CTNNA3: variants seen among roughly 807,000 people sequenced by gnomAD.
CTNNA3 encodes catenin alpha-3.
A neutral mutation model predicts 95.7 loss-of-function variants in CTNNA3; 76 were observed. The observed-to-expected ratio is 0.79, with a 90% confidence interval of 0.66 to 0.96. The LOEUF (loss-of-function observed/expected upper bound fraction) is 0.96. CTNNA3 is among the 40% of genes least tolerant of loss of function. The pLI, the probability that CTNNA3 is intolerant of heterozygous loss-of-function variation, is 0.00. For synonymous variants in CTNNA3, 431 were observed against 374.4 expected (o/e 1.15, Z -1.74); for missense variants, 1,191 against 1,089.8 (o/e 1.09, Z -1.31).
intron 15 of CTNNA3, among the ~76,000 whole-genome samples, chr10:66,048,769 C>T (rs1340150930): frequency 6.6e-6 from 1 of 151,866 alleles, no homozygotes; most frequent in Admixed American, 6.6e-5. Context: ...TCAAAAAAAA[C>T]AGAAAACAAA....
At chr10:67,109,405 A>G (rs1858805153) in intron 7 of CTNNA3, among the ~76,000 whole-genome samples, 1 of 152,070 alleles carries the variant, frequency 6.6e-6, no homozygotes, top group Admixed American at 6.5e-5. Flanking sequence ...GAATACCATT[A>G]CTCTCAAAAG....
At chr10:66,734,618 C>T (rs1029286107) in intron 9 of CTNNA3, among the ~76,000 whole-genome samples, 3 of 152,104 alleles carry the variant, frequency 2.0e-5, no homozygotes, top group African/African-American at 7.2e-5. Flanking sequence ...AATCCCAGTG[C>T]TCTGGGAGGC....
At chr10:66,031,318 A>C (rs1472961111) in intron 15 of CTNNA3, among the ~76,000 whole-genome samples, 1 of 152,202 alleles carries the variant, frequency 6.6e-6, no homozygotes, top group East Asian at 1.9e-4. Context: ...GCCAATAAAC[A>C]ATGGATTGGA....
intron 5 of CTNNA3, among the ~76,000 whole-genome samples, chr10:67,387,441 G>A (rs1339624754): frequency 6.6e-6 from 1 of 152,150 alleles, no homozygotes; most frequent in South Asian, 2.1e-4. Flanking sequence ...TGCTAGCACG[G>A]CAGTCTGAGA....
At chr10:67,165,552 A>C (rs1861731026) in intron 7 of CTNNA3, among the ~76,000 whole-genome samples, 1 of 152,226 alleles carries the variant, frequency 6.6e-6, no homozygotes, top group Admixed American at 6.5e-5. Context: ...ATATAGTTAC[A>C]CATGATGCAA....
rs117097231 is a variant in CTNNA3, at chr10:66,078,755, A to G, written c.1978-9266T>C. Among the ~76,000 whole-genome samples, 583 of 152,060 alleles carry G rather than the reference A, an allele frequency of 3.8e-3. 2 individuals are homozygous for G. The highest frequency in any genetic ancestry group is 0.025 in the South Asian group (120 of 4,828). On this transcript the variant is annotated intron_variant, in intron 14 of 17. Transcript: ENST00000433211. ...GTTCCTCGTTCCAGAATGCTGATAT[A>G]CTTTTTGTCTTTTGATGCTGCCAAA...
chr10:66,259,602 C>T (rs1280932508), intron 13 of CTNNA3, among the ~76,000 whole-genome samples: 1 of 152,128 alleles, frequency 6.6e-6, no homozygotes, highest in Non-Finnish European at 1.5e-5. Context: ...GATTCCCACA[C>T]CTCAGTCTAC....
chr10:66,224,704 G>A (rs1754407111), intron 13 of CTNNA3, among the ~76,000 whole-genome samples: 1 of 152,140 alleles, frequency 6.6e-6, no homozygotes, highest in African/African-American at 2.4e-5. Context: ...CCAAAAGGAA[G>A]GATGTGGCTT....
chr10:66,501,462 T>C (rs1020551702), intron 11 of CTNNA3, among the ~76,000 whole-genome samples: 3 of 152,128 alleles, frequency 2.0e-5, no homozygotes, highest in Non-Finnish European at 4.4e-5. Context: ...AGACTATAGA[T>C]CTCTTGTGAA....
rs537639807 is a variant in CTNNA3, at chr10:67,718,719, G to A, written c.-2+44715C>T. Among the ~76,000 whole-genome samples, 3 of 152,252 alleles carry A rather than the reference G, an allele frequency of 2.0e-5. No individual in the cohort carries two copies. The South Asian group carries it at 6.2e-4, about 32-fold the overall frequency. On this transcript the variant is annotated intron_variant, in intron 1 of 17. Transcript: ENST00000684154. ...CTGGATTTGGTTTGCATTTTATTGA[G>A]GGTTTTCGCATCGATGTTCATCAGG...
intron 5 of CTNNA3, among the ~76,000 whole-genome samples, chr10:67,509,750 C>A (rs921789208): frequency 6.6e-6 from 1 of 152,088 alleles, no homozygotes; most frequent in African/African-American, 2.4e-5. Flanking sequence ...GCTTCCAGAC[C>A]CTTGAGGAAT....
At chr10:66,043,488 T>C (rs573445776) in intron 15 of CTNNA3, among the ~76,000 whole-genome samples, 108 of 152,288 alleles carry the variant, frequency 7.1e-4, no homozygotes, top group African/African-American at 2.5e-3. Context: ...ATCTGTCTTT[T>C]GCTATAACAA....
At chr10:66,431,580 G>T (rs35303304) in intron 11 of CTNNA3, among the ~76,000 whole-genome samples, 39,925 of 151,496 alleles carry the variant, frequency 0.26, 5,365 homozygotes, top group South Asian at 0.39. Flanking sequence ...AAAATGATGA[G>T]TTCATGTCCT....
intron 9 of CTNNA3, among the ~76,000 whole-genome samples, chr10:66,630,075 C>T (rs948697793): frequency 6.6e-6 from 1 of 152,080 alleles, no homozygotes; most frequent in South Asian, 2.1e-4. Flanking sequence ...CAGGGACCAC[C>T]CCTGTATTTG....
chr10:67,262,778 A>C lies in CTNNA3; in HGVS notation c.580-42908T>G, dbSNP rs1866671403. On this transcript the variant is annotated intron_variant, in intron 5 of 17. Transcript: ENST00000433211. Reference sequence around the variant, plus strand: ...TGATTTAAAACTTGTCAGGAAAAAAATTATTTCACAAAAGCAAAGAAATAA... The same window carrying C: ...TGATTTAAAACTTGTCAGGAAAAAACTTATTTCACAAAAGCAAAGAAATAA... 2.0e-5 allele frequency among the ~76,000 whole-genome samples: 3 copies of C among 152,192 alleles called. No individual in the cohort carries two copies. The South Asian group carries it at 6.2e-4, about 31-fold the overall frequency.
chr10:65,991,305 C>T (rs2078540765), intron 15 of CTNNA3, among the ~76,000 whole-genome samples: 1 of 151,952 alleles, frequency 6.6e-6, no homozygotes, highest in Non-Finnish European at 1.5e-5. Context: ...TGAAGAATGT[C>T]ACTGATATTT....
At chr10:66,201,524 C>G (rs1404518803) in intron 13 of CTNNA3, among the ~76,000 whole-genome samples, 1 of 152,140 alleles carries the variant, frequency 6.6e-6, no homozygotes, top group East Asian at 1.9e-4. Context: ...CTCCAACAGC[C>G]AAAATCCCAC....
At chr10:67,616,637 A>C (rs1843666212) in intron 2 of CTNNA3, among the ~76,000 whole-genome samples, 1 of 152,224 alleles carries the variant, frequency 6.6e-6, no homozygotes, top group Admixed American at 6.5e-5. Flanking sequence ...AATGGAGGTA[A>C]TATTTACTAG....
In CTNNA3 at chr10:67,578,985, C is replaced by T. The variant is rs993825321; in HGVS notation, c.292+27872G>A. Among the ~76,000 whole-genome samples the T allele has an allele frequency of 1.8e-3, 221 of 123,260 alleles. 1 individual carries two copies. The highest frequency in any genetic ancestry group is 0.015 in the Admixed American group (168 of 11,290). The allele number at this position is 123,260 out of a possible 152,430, so 80.9% of individuals were successfully genotyped here. A position where few individuals can be genotyped will look rare whatever the true frequency, so the allele number is the denominator to read the frequency against. ...CCTTGCATCACGATATAAAACCCACCTGATCATAGTGATATATATATATAT... is the reference window on the plus strand; with the variant it reads ...CCTTGCATCACGATATAAAACCCACTTGATCATAGTGATATATATATATAT... On this transcript the variant is annotated intron_variant, in intron 3 of 17. Transcript: ENST00000433211.
Sources: allele counts gnomAD v4.1 joint callset (sites outside exome capture counted in the v4.1 genomes callset), GRCh38; gene constraint gnomAD v4.1.1; transcripts MANE v1.5; gene names NCBI Gene and HGNC (gene_info 2026-07-23, HGNC 2026-07-21).